Variants in SUMF1 observed in about 807,000 individuals in gnomAD.
The protein encoded by SUMF1 is formylglycine-generating enzyme.
SUMF1 carries 48 observed loss-of-function variants against 47.6 expected under a neutral mutation model. The ratio of observed to expected loss-of-function variants is 1.01; its 90% CI spans 0.80 to 1.28. The LOEUF is 1.28. Among genes scored for constraint, SUMF1 ranks in the 50% most tolerant of loss-of-function variants. SUMF1 has a pLI of 0.00. For synonymous variants in SUMF1, 230 were observed against 192.1 expected, an observed-to-expected ratio of 1.20 and a Z score of -1.63; for missense variants, 571 against 485.4, an observed-to-expected ratio of 1.18 and a Z score of -1.66.
chr3:4,038,523 C>T (rs1694845810), intron 9 of SUMF1, among the ~76,000 whole-genome samples: 2 of 152,094 alleles, frequency 1.3e-5, no homozygotes, highest in Non-Finnish European at 2.9e-5. Flanking sequence ...ATGTGGACTC[C>T]CAGCTGTTGC....
At chr3:4,058,189 G>A (rs1354397258) in intron 9 of SUMF1, among the ~76,000 whole-genome samples, 1 of 152,088 alleles carries the variant, frequency 6.6e-6, no homozygotes, top group Non-Finnish European at 1.5e-5. Flanking sequence ...TTTGAATCCA[G>A]GCAATATAGC....
chr3:4,300,669 T>C (rs310712), intron 8 of SUMF1, among the ~76,000 whole-genome samples: 24,558 of 152,106 alleles, frequency 0.16, 2,287 homozygotes, highest in South Asian at 0.37. Flanking sequence ...TGTAAAGACT[T>C]GGAGAAAAAA....
chr3:4,071,224 C>G (rs970739766), intron 8 of SUMF1, among the ~76,000 whole-genome samples: 2 of 152,068 alleles, frequency 1.3e-5, no homozygotes, highest in Non-Finnish European at 2.9e-5. Context: ...CAGCTCCCAG[C>G]GAGATCGACA....
chr3:4,273,485 A>G (rs1697344041), intron 8 of SUMF1, among the ~76,000 whole-genome samples: 1 of 152,064 alleles, frequency 6.6e-6, no homozygotes, highest in South Asian at 2.1e-4. Flanking sequence ...CAGAAAGTAG[A>G]TCAACGACTG....
intron 8 of SUMF1, among the ~76,000 whole-genome samples, chr3:4,354,534 G>A (rs73121654): frequency 3.0e-4 from 46 of 152,320 alleles, no homozygotes; most frequent in African/African-American, 9.6e-4. Flanking sequence ...TTCCCCTTCC[G>A]TGAGAACTTC....
intron 1 of SUMF1, among the ~76,000 whole-genome samples, chr3:4,465,847 A>C (rs2125184808): frequency 6.6e-6 from 1 of 152,338 alleles, no homozygotes; most frequent in Middle Eastern, 3.4e-3. Flanking sequence ...CTGAGGCAGG[A>C]TACGGAAATA....
intron 8 of SUMF1, among the ~76,000 whole-genome samples, chr3:4,088,652 T>C (rs1692722379): frequency 6.6e-6 from 1 of 152,144 alleles, no homozygotes; most frequent in African/African-American, 2.4e-5. Context: ...AAGACAAATA[T>C]TGTTTGTTAT....
intron 8 of SUMF1, among the ~76,000 whole-genome samples, chr3:4,307,953 C>T (rs1346529470): frequency 6.6e-6 from 1 of 152,050 alleles, no homozygotes; most frequent in African/African-American, 2.4e-5. Context: ...GGAGGCTGAC[C>T]TTGAGCCCAG....
chr3:4,216,903 T>C (rs977856336), intron 8 of SUMF1, among the ~76,000 whole-genome samples: 1 of 152,186 alleles, frequency 6.6e-6, no homozygotes, highest in African/African-American at 2.4e-5. Context: ...GGAATGCTGT[T>C]ACACTGTTGG....
At chr3:4,193,634 C>A (rs1459907347) in intron 8 of SUMF1, among the ~76,000 whole-genome samples, 2 of 152,026 alleles carry the variant, frequency 1.3e-5, no homozygotes, top group African/African-American at 4.8e-5. Flanking sequence ...CAGGGGTACA[C>A]AAATAGTGTC....
chr3:4,253,965 G>A (rs573818569), intron 8 of SUMF1, among the ~76,000 whole-genome samples: 12 of 150,804 alleles, frequency 8.0e-5, no homozygotes, highest in Admixed American at 2.0e-4. Flanking sequence ...CCTGACCCCC[G>A]AGCAGCCTAA....
At chr3:4,240,439 G>A (rs1042876415) in intron 8 of SUMF1, among the ~76,000 whole-genome samples, 2 of 151,944 alleles carry the variant, frequency 1.3e-5, no homozygotes, top group Non-Finnish European at 2.9e-5. Context: ...GTTTGTGATG[G>A]TAATAAAGAG....
chr3:4,103,458 T>A (rs371911700), intron 8 of SUMF1, among the ~76,000 whole-genome samples: 2 of 151,820 alleles, frequency 1.3e-5, no homozygotes, highest in East Asian at 3.9e-4. Flanking sequence ...TGGAGGGGAT[T>A]TTTTTTTGCT....
Position 4,277,861 on chromosome 3 carries a change from G to A in SUMF1, c.1014+98469C>T, listed in dbSNP as rs921716253. Among the ~76,000 whole-genome samples, 42 of 151,784 alleles carry A rather than the reference G, an allele frequency of 2.8e-4. 1 individual carries two copies. Among genetic ancestry groups the A allele is most frequent in the Admixed American group, 2.2e-3 (33 of 15,218 alleles). On this transcript the variant is annotated intron_variant and NMD_transcript_variant, in intron 8 of 12. Coordinates refer to the SUMF1 transcript ENST00000448413. Reference sequence around the variant, plus strand: ...CATTTCCACAAGTACCTTTAAACAGGGCCCATCCAAAGTTTTAAGGTATTG... The same window carrying A: ...CATTTCCACAAGTACCTTTAAACAGAGCCCATCCAAAGTTTTAAGGTATTG...
chr3:4,079,552 G>C (rs1472884424), intron 8 of SUMF1, among the ~76,000 whole-genome samples: 1 of 151,804 alleles, frequency 6.6e-6, no homozygotes, highest in Non-Finnish European at 1.5e-5. Context: ...TTCACTGTTT[G>C]CTGATAGAAA....
chr3:4,343,373 C>A lies in SUMF1; in HGVS notation c.1014+32957G>T, dbSNP rs1004780437. Among the ~76,000 whole-genome samples, 6 of 152,198 alleles carry A rather than the reference C, an allele frequency of 3.9e-5. No individual in the cohort carries two copies. In the East Asian group the frequency reaches 1.2e-3, roughly 29 times the overall value. On this transcript the variant is annotated intron_variant and NMD_transcript_variant, in intron 8 of 12. Coordinates refer to the SUMF1 transcript ENST00000448413. Reference sequence around the variant, plus strand: ...TGGCAATTACACACAGTTAAGAGGTCACTGTAGATTGTGGGCAGAGAGGGG... The same window carrying A: ...TGGCAATTACACACAGTTAAGAGGTAACTGTAGATTGTGGGCAGAGAGGGG...
At position 4,453,014 on chromosome 3, in the gene SUMF1, G is replaced by A. The variant is rs1434264703; in HGVS notation, c.306C>T (p.Gly102=). 2 of 1,613,904 alleles carry A rather than the reference G, an allele frequency of 1.2e-6. No individual in the cohort carries two copies. Among genetic ancestry groups the A allele is most frequent in the South Asian group, 1.1e-5 (1 of 91,084 alleles). Residue 102 remains glycine (G), a synonymous_variant, in exon 2 of 9, where the codon GGC becomes GGT. Transcript: ENST00000272902. ...VPIPAGVFTM[G]TDDPQIKQDG... ...CCTGCTTTATCTGAGGATCATCTGTGCCCATTGTAAATACTCCAGCAGGGA... is the reference window on the plus strand; with the variant it reads ...CCTGCTTTATCTGAGGATCATCTGTACCCATTGTAAATACTCCAGCAGGGA...
At chr3:4,090,262 A>G (rs1179406688) in intron 8 of SUMF1, among the ~76,000 whole-genome samples, 2 of 152,130 alleles carry the variant, frequency 1.3e-5, no homozygotes, top group Non-Finnish European at 2.9e-5. Context: ...CAGGTCCACT[A>G]TCTGTGTGGA....
intron 8 of SUMF1, among the ~76,000 whole-genome samples, chr3:4,337,917 C>T (rs1176790911): frequency 2.6e-5 from 4 of 152,088 alleles, no homozygotes; most frequent in Non-Finnish European, 5.9e-5. Context: ...CCAGTAAACC[C>T]CCAATCATAG....
Sources: allele counts gnomAD v4.1 joint callset (sites outside exome capture counted in the v4.1 genomes callset), GRCh38; gene constraint gnomAD v4.1.1; transcripts MANE v1.5; gene names NCBI Gene and HGNC (gene_info 2026-07-23, HGNC 2026-07-21).